The following PRDM16 variants were observed in gnomAD, a reference collection of about 807,000 sequenced individuals.
PRDM16 encodes the protein PR/SET domain 16, also known as histone-lysine N-methyltransferase PRDM16.
In PRDM16, 23 loss-of-function variants were observed where a neutral mutation model predicts 110.6. That is an observed-to-expected ratio of 0.21 (90% CI 0.15 to 0.29). PRDM16 has a LOEUF of 0.29. Among genes scored for constraint, PRDM16 ranks in the 10% least tolerant of loss-of-function variants. The probability of loss-of-function intolerance (pLI) is 1.00; values close to 1 mark genes in which losing one functional copy is unlikely to be tolerated. For missense variants in PRDM16, 1,615 were observed against 1,794.3 expected (o/e 0.90, Z 1.81); for synonymous variants, 799 against 781.8 (o/e 1.02, Z -0.37).
intron 3 of PRDM16, among the ~76,000 whole-genome samples, chr1:3,356,449 C>T (rs1642604542): frequency 6.6e-6 from 1 of 152,206 alleles, no homozygotes; most frequent in Non-Finnish European, 1.5e-5. Context: ...GTGGGGGAGG[C>T]AAGCATTTGA....
intron 3 of PRDM16, among the ~76,000 whole-genome samples, chr1:3,278,353 A>G (rs2100317088): frequency 6.6e-6 from 1 of 152,330 alleles, no homozygotes; most frequent in African/African-American, 2.4e-5. Flanking sequence ...CCTAGGCCTA[A>G]TACTGTCTGG....
chr1:3,339,554 A>T lies in PRDM16; in HGVS notation c.439-45598A>T, dbSNP rs1000313784. ...TTGTTGCCCACCGAGCGATTCAGGC[A>T]GTGAGGTGGGAAGGAGCGTGGGAGG... On this transcript the variant is annotated intron_variant, in intron 3 of 16. Transcript: ENST00000270722. This position sits in a 1 kb window ranked among gnomAD's most constrained non-coding sequence, Gnocchi z 5.0. 6.6e-6 allele frequency among the ~76,000 whole-genome samples: 1 copy of T among 152,034 alleles called. No homozygotes were observed. Among genetic ancestry groups the T allele is most frequent in the Non-Finnish European group, 1.5e-5 (1 of 68,010 alleles).
chr1:3,159,587 G>A (rs1643883051), intron 1 of PRDM16, among the ~76,000 whole-genome samples: 1 of 152,192 alleles, frequency 6.6e-6, no homozygotes, highest in South Asian at 2.1e-4. Context: ...TCCACATGCA[G>A]TCCCATTCTG....
At position 3,087,243 on chromosome 1, in the gene PRDM16, GGAGACCAGCCCCACCT is replaced by G. The variant is rs1557436230; in HGVS notation, c.37+17967_37+17982del. 1.4e-3 allele frequency among the ~76,000 whole-genome samples: 104 copies of G among 72,908 alleles called. 1 individual carries two copies. The highest frequency in any genetic ancestry group is 0.01 in the Admixed American group (55 of 5,394). The allele number at this position is 72,908 out of a possible 152,430, so 47.8% of individuals were successfully genotyped here. A position where few individuals can be genotyped will look rare whatever the true frequency, so the allele number is the denominator to read the frequency against. ...AGCCCCACCCGAGACCAGCCCCACC[GGAGACCAGCCCCACCT>G]GAGACCAGCCCCACCTGAGGCCAGC... On this transcript the variant is annotated intron_variant, in intron 1 of 16. Coordinates refer to ENST00000270722, the MANE Select transcript of PRDM16 (RefSeq NM_022114.4).
At chr1:3,349,290 G>T (rs1288650970) in intron 3 of PRDM16, among the ~76,000 whole-genome samples, 2 of 152,160 alleles carry the variant, frequency 1.3e-5, no homozygotes, top group South Asian at 4.1e-4. Flanking sequence ...CAGGGAGGAG[G>T]TGTGGACGGG....
At chr1:3,319,439 G>T (rs1641689239) in intron 3 of PRDM16, among the ~76,000 whole-genome samples, 1 of 152,224 alleles carries the variant, frequency 6.6e-6, no homozygotes, top group Non-Finnish European at 1.5e-5. Flanking sequence ...GGGCAGATAT[G>T]CAGGGTGATG....
intron 3 of PRDM16, among the ~76,000 whole-genome samples, chr1:3,367,542 G>A (rs890401903): frequency 4.6e-5 from 7 of 152,206 alleles, no homozygotes; most frequent in African/African-American, 9.7e-5. Flanking sequence ...GGGAGTGGCT[G>A]GAATGTGACA....
chr1:3,428,432 G>A lies in PRDM16; in HGVS notation c.3284+2207G>A, dbSNP rs886483971. On this transcript the variant is annotated intron_variant, in intron 14 of 16. Transcript: ENST00000270722. ...TGCCCTGCTTCTCACAGCCCTAGGG[G>A]TGGGGACGAGGGAGGCTCTCCACAC... Among the ~76,000 whole-genome samples the A allele has an allele frequency of 2.0e-5, 3 of 152,228 alleles. No individual in the cohort carries two copies. The East Asian group carries it at 5.8e-4, about 29-fold the overall frequency.
At chr1:3,135,206 G>A (rs1236098272) in intron 1 of PRDM16, among the ~76,000 whole-genome samples, 1 of 152,154 alleles carries the variant, frequency 6.6e-6, no homozygotes, top group Non-Finnish European at 1.5e-5. Context: ...CAGCCCAGTC[G>A]GCCCCAGGCT....
intron 4 of PRDM16, among the ~76,000 whole-genome samples, chr1:3,389,944 G>C: frequency 7.7e-6 from 1 of 130,194 alleles, no homozygotes; most frequent in African/African-American, 2.7e-5. Flanking sequence ...CTTTTCTGGG[G>C]GTGCGCCCCC....
intron 3 of PRDM16, among the ~76,000 whole-genome samples, chr1:3,302,204 C>T (rs551324155): frequency 6.6e-6 from 1 of 152,118 alleles, no homozygotes; most frequent in East Asian, 1.9e-4. Flanking sequence ...CTTAGAAACC[C>T]CTTATCTAAC....
At chr1:3,280,765 G>C (rs1368377814) in intron 3 of PRDM16, among the ~76,000 whole-genome samples, 7 of 152,224 alleles carry the variant, frequency 4.6e-5, no homozygotes, top group Non-Finnish European at 8.8e-5. Flanking sequence ...GGTGAAGTGA[G>C]AAGCAGGCTA....
chr1:3,183,882 C>T (rs1259264058), intron 1 of PRDM16, among the ~76,000 whole-genome samples: 1 of 152,192 alleles, frequency 6.6e-6, no homozygotes, highest in Non-Finnish European at 1.5e-5. Context: ...CAGAGGCGCC[C>T]ACGCCCGAGA....
In PRDM16 at chr1:3,370,370, T is replaced by A. The variant is rs1158845142; in HGVS notation, c.439-14782T>A. 6.6e-6 allele frequency among the ~76,000 whole-genome samples: 1 copy of A among 152,144 alleles called. No homozygotes were observed. The highest frequency in any genetic ancestry group is 2.4e-5 in the African/African-American group (1 of 41,428). ...AGGGAAAGGATTTGAAATGGAGGGATGAAGACAGACCCCTGGGAAACGGAG... is the reference window on the plus strand; with the variant it reads ...AGGGAAAGGATTTGAAATGGAGGGAAGAAGACAGACCCCTGGGAAACGGAG... On this transcript the variant is annotated intron_variant, in intron 3 of 16. Transcript: ENST00000270722. The surrounding 1 kb of genome is among the most constrained non-coding windows in gnomAD (Gnocchi z 4.8).
At chr1:3,076,232 G>C (rs117402922) in intron 1 of PRDM16, among the ~76,000 whole-genome samples, 1 of 152,326 alleles carries the variant, frequency 6.6e-6, no homozygotes, top group East Asian at 1.9e-4. Flanking sequence ...AGGTGTGCGT[G>C]TGTGTTGCGA....
intron 3 of PRDM16, among the ~76,000 whole-genome samples, chr1:3,262,586 C>G (rs960667370): frequency 3.3e-5 from 5 of 152,198 alleles, no homozygotes; most frequent in Non-Finnish European, 5.9e-5. Flanking sequence ...TCCTCAAAAC[C>G]AGATGATGAA....
chr1:3,210,781 T>C (rs909632543), intron 2 of PRDM16, among the ~76,000 whole-genome samples: 9 of 152,386 alleles, frequency 5.9e-5, no homozygotes, highest in East Asian at 1.9e-4. Flanking sequence ...TTCATAGATA[T>C]GCATTTGTTC....
In PRDM16 at chr1:3,411,537, G is replaced by T; in HGVS notation, c.1340G>T (p.Gly447Val). The change falls in exon 9 of 17, where the codon GGC (glycine) becomes GTC (valine). Residue 447 changes from glycine (G) to valine (V), a missense_variant. By Grantham distance (109) the Gly-to-Val change is moderately radical. Transcript: ENST00000270722. The part of the protein sequence containing the change: ...SLNKHRRFCE[G>V]KNHYTPGGIF... ...AACAAGCACCGGCGCTTCTGCGAGG[G>T]CAAGAACCATTACACGCCGGGCGGC... 1 of 1,614,158 alleles carries T rather than the reference G, an allele frequency of 6.2e-7. No homozygotes were observed. Among genetic ancestry groups the T allele is most frequent in the Non-Finnish European group, 8.5e-7 (1 of 1,180,040 alleles).
At chr1:3,125,248 C>A (rs978866302) in intron 1 of PRDM16, among the ~76,000 whole-genome samples, 4 of 152,404 alleles carry the variant, frequency 2.6e-5, no homozygotes, top group Admixed American at 2.6e-4. Flanking sequence ...CCGGCTGAGG[C>A]TGCTTTCTTA....
Sources: gnomAD v4.1 joint callset for allele counts (sites outside exome capture counted in the v4.1 genomes callset) on GRCh38, gnomAD v4.1.1 for gene constraint, Gnocchi (gnomAD v3.1) non-coding constraint, MANE v1.5 for transcripts, NCBI Gene and HGNC (gene_info 2026-07-23, HGNC 2026-07-21) for gene names.